WDPCP: variants seen among roughly 807,000 people sequenced by gnomAD.
WDPCP encodes WD repeat containing planar cell polarity effector.
Under a neutral mutation model 93.1 loss-of-function variants are expected in WDPCP, and 71 were observed. The observed-to-expected ratio is 0.76, with a 90% CI of 0.63 to 0.93. WDPCP has a LOEUF of 0.93. WDPCP is among the 40% of genes least tolerant of loss of function. WDPCP has a pLI of 0.00. For missense variants in WDPCP, 844 were observed against 887.4 expected, an observed-to-expected ratio of 0.95 and a Z score of 0.62; for synonymous variants, 315 against 315.0, an observed-to-expected ratio of 1.00 and a Z score of 0.00.
At chr2:63,131,571 T>C (rs1289007307) in intron 17 of WDPCP, among the ~76,000 whole-genome samples, 2 of 152,210 alleles carry the variant, frequency 1.3e-5, no homozygotes, top group African/African-American at 4.8e-5. Context: ...TTATAGATTC[T>C]ATACAAGAAT....
rs555285334 is a variant in WDPCP at position 63,279,882 on chromosome 2, GAAAGAAAAA to G, written c.1813-20482_1813-20474del. Among the ~76,000 whole-genome samples the G allele has an allele frequency of 1.2e-3, 186 of 151,874 alleles. 1 individual carries two copies. Among genetic ancestry groups the G allele is most frequent in the Non-Finnish European group, 2.2e-3 (152 of 67,916 alleles). On this transcript the variant is annotated intron_variant, in intron 13 of 17. Transcript: ENST00000272321. ...CAACAGCTGCAAAAAAAAGGAAAAG[GAAAGAAAAA>G]AAAGAAAATACTTAGGAATATATCT...
intron 1 of WDPCP, among the ~76,000 whole-genome samples, chr2:63,504,396 A>G (rs1158508563): frequency 6.6e-6 from 1 of 151,122 alleles, no homozygotes; most frequent in Non-Finnish European, 1.5e-5. Context: ...ATTCTTAAAA[A>G]TATTTTTCTG....
At chr2:63,168,068 C>T (rs771175933) in intron 15 of WDPCP, among the ~76,000 whole-genome samples, 11 of 144,020 alleles carry the variant, frequency 7.6e-5, no homozygotes, top group South Asian at 4.4e-4. Flanking sequence ...GCCATGATCA[C>T]GCCACTGCAC....
intron 3 of WDPCP, chr2:63,600,067 G>A (rs1481840061): frequency 6.6e-6 from 1 of 152,098 alleles, no homozygotes; most frequent in East Asian, 1.9e-4. Context: ...ATAGGTCTAT[G>A]AGTTCAGTGC....
intron 13 of WDPCP, among the ~76,000 whole-genome samples, chr2:63,288,471 T>C (rs993361277): frequency 6.6e-6 from 1 of 152,214 alleles, no homozygotes; most frequent in Admixed American, 6.5e-5. Flanking sequence ...AGAGAATGCA[T>C]GTAATAGTAG....
At chr2:63,609,492 T>C (rs1558865730) in intron 3 of WDPCP, among the ~76,000 whole-genome samples, 2 of 152,218 alleles carry the variant, frequency 1.3e-5, no homozygotes, top group African/African-American at 4.8e-5. Flanking sequence ...CATTACCTTC[T>C]ATCCACTTTA....
chr2:63,367,606 T>G lies in WDPCP; in HGVS notation c.1748+10780A>C, dbSNP rs74401410. Among the ~76,000 whole-genome samples the G allele has an allele frequency of 4.6e-5, 7 of 152,274 alleles. No individual in the cohort carries two copies. The East Asian group carries it at 1.3e-3, about 29-fold the overall frequency. ...TAGTTGAATAAATTATGGTAGTCTA[T>G]CCTTAATAAATGTGTGATATAGATC... On this transcript the variant is annotated intron_variant, in intron 12 of 17. Coordinates refer to ENST00000272321, the MANE Select transcript of WDPCP (RefSeq NM_015910.7).
intron 15 of WDPCP, among the ~76,000 whole-genome samples, chr2:63,162,050 G>A (rs577379398): frequency 1.6e-4 from 24 of 152,262 alleles, no homozygotes; most frequent in African/African-American, 3.9e-4. Flanking sequence ...GATTACTGGC[G>A]TGAGCTACTG....
At chr2:63,297,180 AG>A (rs556472687) in intron 13 of WDPCP, among the ~76,000 whole-genome samples, 16 of 152,186 alleles carry the variant, frequency 1.1e-4, no homozygotes, top group Non-Finnish European at 2.2e-4. Context: ...GTTGGACAGG[AG>A]AACTGTTACC....
chr2:63,326,094 A>T (rs1459031938), intron 12 of WDPCP, among the ~76,000 whole-genome samples: 1 of 152,196 alleles, frequency 6.6e-6, no homozygotes, highest in Non-Finnish European at 1.5e-5. Flanking sequence ...TCATGATGTA[A>T]ATGGCGTACT....
chr2:63,217,905 C>T (rs1677482384), intron 14 of WDPCP, among the ~76,000 whole-genome samples: 1 of 152,128 alleles, frequency 6.6e-6, no homozygotes, highest in Non-Finnish European at 1.5e-5. Flanking sequence ...ACCCAAGAAT[C>T]CCACAATTGA....
At chr2:63,661,381 A>C (rs1470400552) in intron 2 of WDPCP, among the ~76,000 whole-genome samples, 4 of 152,178 alleles carry the variant, frequency 2.6e-5, no homozygotes, top group Admixed American at 2.6e-4. Flanking sequence ...GTGAGTATTC[A>C]GTTAATGTCT....
At chr2:63,338,489 T>A (rs1010202259) in intron 12 of WDPCP, among the ~76,000 whole-genome samples, 1 of 146,240 alleles carries the variant, frequency 6.8e-6, no homozygotes, top group African/African-American at 2.5e-5. Flanking sequence ...GAGGTGGAGG[T>A]TGCAGTTAGC....
intron 13 of WDPCP, among the ~76,000 whole-genome samples, chr2:63,269,221 T>G (rs892627576): frequency 1.3e-5 from 2 of 152,232 alleles, no homozygotes; most frequent in Non-Finnish European, 2.9e-5. Flanking sequence ...TAACTTGGAA[T>G]CAAGTTTTCA....
At chr2:63,249,415 T>C (rs936165110) in intron 14 of WDPCP, among the ~76,000 whole-genome samples, 2 of 152,224 alleles carry the variant, frequency 1.3e-5, no homozygotes, top group African/African-American at 4.8e-5. Context: ...GTTTGACTCC[T>C]ACATACCAAG....
At chr2:63,562,159 G>A (rs1388881907) in intron 1 of WDPCP, among the ~76,000 whole-genome samples, 1 of 152,178 alleles carries the variant, frequency 6.6e-6, no homozygotes, top group Non-Finnish European at 1.5e-5. Context: ...AGAAAATGTG[G>A]CACATGTATG....
chr2:63,438,228 G>T (rs1157626339), intron 7 of WDPCP, among the ~76,000 whole-genome samples: 1 of 151,918 alleles, frequency 6.6e-6, no homozygotes, highest in South Asian at 2.1e-4. Context: ...CATGTTACAG[G>T]AATTTGAGAA....
intron 1 of WDPCP, among the ~76,000 whole-genome samples, chr2:63,818,666 A>G (rs908319128): frequency 1.3e-5 from 2 of 152,208 alleles, no homozygotes; most frequent in Non-Finnish European, 2.9e-5. Flanking sequence ...CAAACATTAT[A>G]TTGAGCAAAA....
chr2:63,280,767 G>A (rs547378714), intron 13 of WDPCP, among the ~76,000 whole-genome samples: 34 of 152,276 alleles, frequency 2.2e-4, no homozygotes, highest in African/African-American at 7.7e-4. Context: ...GGGATAATTG[G>A]CTAGCTACAT....
Sources: allele counts gnomAD v4.1 joint callset (sites outside exome capture counted in the v4.1 genomes callset), GRCh38; gene constraint gnomAD v4.1.1; transcripts MANE v1.5; gene names NCBI Gene and HGNC (gene_info 2026-07-23, HGNC 2026-07-21).